Variants in ADCY3 observed in about 807,000 individuals in gnomAD.
The protein encoded by ADCY3 is adenylate cyclase 3.
In ADCY3, 70 loss-of-function variants were observed where a neutral mutation model predicts 119.4. The ratio of observed to expected loss-of-function variants is 0.59; its 90% CI spans 0.48 to 0.72. The LOEUF (loss-of-function observed/expected upper bound fraction) is 0.72, where lower values mean the gene tolerates loss of function less well. ADCY3 is among the 30% of genes least tolerant of loss of function. The pLI is 0.00. For synonymous variants in ADCY3, 672 were observed against 621.4 expected (o/e 1.08, Z -1.21); for missense variants, 1,238 against 1,541.6 (o/e 0.80, Z 3.30).
At chr2:24,852,022 G>A (rs1366253670) in intron 3 of ADCY3, among the ~76,000 whole-genome samples, 1 of 152,186 alleles carries the variant, frequency 6.6e-6, no homozygotes, top group Non-Finnish European at 1.5e-5. Context: ...CACAGTGATT[G>A]GCTTTCTGTG....
At chr2:24,879,442 G>T (rs1465626194) in intron 2 of ADCY3, among the ~76,000 whole-genome samples, 2 of 119,292 alleles carry the variant, frequency 1.7e-5, no homozygotes, top group Non-Finnish European at 3.2e-5. Context: ...GACAGAGCGA[G>T]ACTCTGTCTC....
intron 2 of ADCY3, among the ~76,000 whole-genome samples, chr2:24,904,973 C>A (rs1179475275): frequency 6.6e-6 from 1 of 151,936 alleles, no homozygotes; most frequent in Non-Finnish European, 1.5e-5. Flanking sequence ...ATGCGCCATT[C>A]CTCTATTGTG....
rs1281866916 is a variant in ADCY3 at position 24,898,245 on chromosome 2, T to G, written c.675+20068A>C. ...TACTCCTCCTCCTGAGGGGCTTTTC[T>G]CTCCACTCTCCCAGTTCGTGCGCCA... On this transcript the variant is annotated intron_variant, in intron 2 of 21. Transcript: ENST00000679454. The surrounding 1 kb of genome is among the most constrained non-coding windows in gnomAD (Gnocchi z 4.3). Among the ~76,000 whole-genome samples, 1 of 152,050 alleles carries G rather than the reference T, an allele frequency of 6.6e-6. No individual in the cohort carries two copies. The highest frequency in any genetic ancestry group is 1.9e-4 in the East Asian group (1 of 5,172).
At chr2:24,856,495 C>T (rs767752123) in intron 3 of ADCY3, among the ~76,000 whole-genome samples, 5 of 152,180 alleles carry the variant, frequency 3.3e-5, no homozygotes, top group African/African-American at 1.2e-4. Context: ...CCCACCAGGG[C>T]GTCCATCATG....
chr2:24,875,862 AG>A (rs1186683697), intron 2 of ADCY3, among the ~76,000 whole-genome samples: 9 of 152,174 alleles, frequency 5.9e-5, no homozygotes, highest in African/African-American at 2.2e-4. Flanking sequence ...CTAGAGGGTG[AG>A]ATCTCCTCCA....
intron 16 of ADCY3, among the ~76,000 whole-genome samples, chr2:24,825,406 C>CT (rs1174819387): frequency 1.4e-5 from 2 of 145,712 alleles, no homozygotes; most frequent in Non-Finnish European, 3.0e-5. Flanking sequence ...GTGATCTCAG[C>CT]TTACTACAGC....
Position 24,824,444 on chromosome 2 carries a change from G to C in ADCY3, c.2670C>G (p.Ala890=). Residue 890 remains alanine (A), a synonymous_variant, in exon 17 of 22, where the codon GCC becomes GCG. Transcript: ENST00000679454. The part of the protein sequence containing the change: ...RVYEMRRWNE[A]LVTNMLPEHV... ...GCTCAGGCAACATGTTGGTGACCAA[G>C]GCCTCGTTCCAGCGTCGCATCTCAT... The C allele has an allele frequency of 1.9e-6, 3 of 1,614,210 alleles. No homozygotes were observed. The highest frequency in any genetic ancestry group is 2.2e-5 in the South Asian group (2 of 91,086).
intron 3 of ADCY3, among the ~76,000 whole-genome samples, chr2:24,866,510 G>C (rs958778981): frequency 8.3e-6 from 1 of 119,912 alleles, no homozygotes; most frequent in African/African-American, 3.2e-5. Context: ...CCAGGAACTC[G>C]AAGATGCATA....
At chr2:24,903,245 A>T (rs1008301264) in intron 2 of ADCY3, among the ~76,000 whole-genome samples, 11 of 151,628 alleles carry the variant, frequency 7.3e-5, no homozygotes, top group Non-Finnish European at 1.3e-4. Flanking sequence ...TGTATGCTGA[A>T]GCCATCTTTT....
At chr2:24,857,207 T>C (rs1246752693) in intron 3 of ADCY3, among the ~76,000 whole-genome samples, 1 of 152,160 alleles carries the variant, frequency 6.6e-6, no homozygotes, top group Non-Finnish European at 1.5e-5. Flanking sequence ...TCCTGTGCAG[T>C]CCCCAGAGAC....
chr2:24,820,651 CGT>C lies in ADCY3; in HGVS notation c.3252+71_3252+72del, dbSNP rs1667493716. 5 of 1,590,704 alleles carry C rather than the reference CGT, an allele frequency of 3.1e-6. No homozygotes were observed. The South Asian group carries it at 5.7e-5, about 18-fold the overall frequency. On this transcript the variant is annotated intron_variant, in intron 21 of 21. Coordinates refer to ENST00000679454, the MANE Select transcript of ADCY3 (RefSeq NM_004036.5). Reference sequence around the variant, plus strand: ...AGGGCCAGGGTGGGAGGCAGGGGCACGTGGGAAAGCACTGTTCCGGTTTTGTT... The same window carrying C: ...AGGGCCAGGGTGGGAGGCAGGGGCACGGGAAAGCACTGTTCCGGTTTTGTT...
intron 3 of ADCY3, among the ~76,000 whole-genome samples, chr2:24,843,856 C>A (rs546734183): frequency 6.6e-6 from 1 of 152,164 alleles, no homozygotes; most frequent in African/African-American, 2.4e-5. Context: ...TGTGGTGCTG[C>A]GGAGGCGAAG....
At chr2:24,887,465 A>G (rs1318655088) in intron 2 of ADCY3, among the ~76,000 whole-genome samples, 3 of 152,152 alleles carry the variant, frequency 2.0e-5, no homozygotes, top group Non-Finnish European at 4.4e-5. Context: ...GGGGATTTTC[A>G]CAGCCTGGGA....
intron 13 of ADCY3, among the ~76,000 whole-genome samples, chr2:24,830,330 C>T (rs567762719): frequency 9.8e-5 from 15 of 152,310 alleles, no homozygotes; most frequent in East Asian, 1.9e-4. Flanking sequence ...TGAGCTACCG[C>T]GCCCAACCAA....
At chr2:24,862,560 A>G (rs989901673) in intron 3 of ADCY3, among the ~76,000 whole-genome samples, 6 of 133,266 alleles carry the variant, frequency 4.5e-5, no homozygotes, top group African/African-American at 1.8e-4. Context: ...AAAAAAAATT[A>G]ATTAATTAAA....
rs773420683 is a variant in ADCY3, at chr2:24,842,140, T to C, written c.956+114A>G. The C allele has an allele frequency of 2.2e-5, 32 of 1,468,692 alleles. No individual in the cohort carries two copies. Among genetic ancestry groups the C allele is most frequent in the South Asian group, 2.0e-4 (16 of 79,890 alleles). 91.0% of individuals were successfully genotyped at this position (1,468,692 alleles called of 1,614,324 possible). A position where few individuals can be genotyped will look rare whatever the true frequency, so the allele number is the denominator to read the frequency against. On this transcript the variant is annotated intron_variant, in intron 4 of 21. Transcript: ENST00000679454. This position sits in a 1 kb window ranked among gnomAD's most constrained non-coding sequence, Gnocchi z 4.9. Reference sequence around the variant, plus strand: ...GGCTGATGAATGCTGTGGGAGGCCTTGCTTCTAGTCCCTGGAAAACCTCTT... The same window carrying C: ...GGCTGATGAATGCTGTGGGAGGCCTCGCTTCTAGTCCCTGGAAAACCTCTT...
chr2:24,832,028 G>C (rs1180420460), intron 11 of ADCY3: 1 of 119,846 alleles, frequency 8.3e-6, no homozygotes, highest in Non-Finnish European at 1.8e-5. Flanking sequence ...AGGGACCGGG[G>C]GCAGGGGCCA....
chr2:24,839,772 C>T (rs1670777631), intron 7 of ADCY3, 101 bp downstream of exon 7: 4 of 1,526,154 alleles, frequency 2.6e-6, no homozygotes, highest in Non-Finnish European at 1.8e-6. Flanking sequence ...GGGAGGCCTT[C>T]TCTGAGGCCC....
intron 2 of ADCY3, among the ~76,000 whole-genome samples, chr2:24,876,804 G>A (rs770707615): frequency 1.3e-5 from 2 of 152,206 alleles, no homozygotes; most frequent in Non-Finnish European, 2.9e-5. Flanking sequence ...GAACCCTAGC[G>A]AGAATCTGAA....
Sources: allele counts gnomAD v4.1 joint callset (sites outside exome capture counted in the v4.1 genomes callset), GRCh38; gene constraint gnomAD v4.1.1; non-coding constraint Gnocchi (gnomAD v3.1); transcripts MANE v1.5; gene names NCBI Gene and HGNC (gene_info 2026-07-23, HGNC 2026-07-21).